The following KLF7 variants were observed in gnomAD, a reference collection of about 807,000 sequenced individuals.
KLF7 encodes KLF transcription factor 7, also known as Krueppel-like factor 7.
A neutral mutation model predicts 27.3 loss-of-function variants in KLF7; 2 were observed. The ratio of observed to expected loss-of-function variants is 0.07; its 90% confidence interval spans 0.03 to 0.23. KLF7 has a LOEUF of 0.23. KLF7 is among the 10% of genes least tolerant of loss of function. The pLI, the probability that KLF7 is intolerant of heterozygous loss-of-function variation, is 1.00. For missense variants in KLF7, 221 were observed against 394.1 expected (o/e 0.56, Z 3.72); for synonymous variants, 165 against 162.4 (o/e 1.02, Z -0.12).
At chr2:207,148,065 G>C (rs2078145400) in intron 1 of KLF7, among the ~76,000 whole-genome samples, 1 of 152,082 alleles carries the variant, frequency 6.6e-6, no homozygotes, top group South Asian at 2.1e-4. Flanking sequence ...ATTTCACAGA[G>C]AAAGGTATGG....
intron 1 of KLF7, among the ~76,000 whole-genome samples, chr2:207,137,646 A>G (rs981116926): frequency 2.0e-5 from 3 of 152,222 alleles, no homozygotes; most frequent in Non-Finnish European, 4.4e-5. Flanking sequence ...ATGGAATATA[A>G]GCAGTACAGG....
chr2:207,163,514 T>A (rs1341091183), intron 1 of KLF7, among the ~76,000 whole-genome samples: 1 of 152,176 alleles, frequency 6.6e-6, no homozygotes, highest in African/African-American at 2.4e-5. Context: ...TCTTTGCAGA[T>A]CTAGAGTTTG....
At chr2:207,146,374 C>G (rs2078096369) in intron 1 of KLF7, among the ~76,000 whole-genome samples, 1 of 152,150 alleles carries the variant, frequency 6.6e-6, no homozygotes, top group Non-Finnish European at 1.5e-5. Context: ...ACTTTCTGGC[C>G]TATGCTCTTC....
intron 2 of KLF7, among the ~76,000 whole-genome samples, chr2:207,092,052 TTC>T (rs1478812264): frequency 2.6e-5 from 4 of 152,226 alleles, no homozygotes; most frequent in Non-Finnish European, 5.9e-5. Flanking sequence ...AAATCAGCTC[TTC>T]TCTTTCACTC....
chr2:207,125,860 T>C (rs2077463366), intron 1 of KLF7, among the ~76,000 whole-genome samples: 1 of 152,200 alleles, frequency 6.6e-6, no homozygotes, highest in Admixed American at 6.5e-5. Flanking sequence ...GTCCACATGA[T>C]GCAGGTATAG....
At chr2:207,102,786 T>C (rs557966520) in intron 2 of KLF7, among the ~76,000 whole-genome samples, 28 of 152,236 alleles carry the variant, frequency 1.8e-4, no homozygotes, top group Non-Finnish European at 4.0e-4. Context: ...TAGGTAAGAG[T>C]ATCCCTTGGT....
rs2076223460 is a variant in KLF7 at position 207,079,048 on chromosome 2, TC to T, written c.*2164del. ...TTAACGGGTGTTCTTTCTTTTTTTTTCGTTTTGTATTATTTTGTTTTTTTTT... is the reference window on the plus strand; with the variant it reads ...TTAACGGGTGTTCTTTCTTTTTTTTTGTTTTGTATTATTTTGTTTTTTTTT... On this transcript the variant is annotated 3_prime_UTR_variant, in exon 4 of 4. Transcript: ENST00000309446. 6.8e-6 allele frequency: 1 copy of T among 147,980 alleles called. No individual in the cohort carries two copies. The highest frequency in any genetic ancestry group is 1.5e-5 in the Non-Finnish European group (1 of 67,420). 9.2% of individuals were successfully genotyped at this position (147,980 alleles called of 1,614,324 possible).
chr2:207,130,575 A>C (rs962497139), intron 1 of KLF7, among the ~76,000 whole-genome samples: 1 of 152,208 alleles, frequency 6.6e-6, no homozygotes. Flanking sequence ...TTTCTGAAAA[A>C]ATGAGCTAGA....
At chr2:207,143,838 A>G (rs2078014533) in intron 1 of KLF7, among the ~76,000 whole-genome samples, 1 of 152,202 alleles carries the variant, frequency 6.6e-6, no homozygotes, top group African/African-American at 2.4e-5. Context: ...TCAAAACAAA[A>G]GCTTCAGGGC....
chr2:207,126,809 CA>C (rs35099385), intron 1 of KLF7, among the ~76,000 whole-genome samples: 4,813 of 128,822 alleles, frequency 0.037, 208 homozygotes, highest in African/African-American at 0.12. Context: ...CTGTTTCTAC[CA>C]AAAAAAAAAA....
rs574268427 is a variant in KLF7 at position 207,103,818 on chromosome 2, T to C, written c.734-15237A>G. ...TATCGTGAAATGTGAAGAGAGATGC[T>C]TTCTGTGCAGATGCTTCATATGCTG... On this transcript the variant is annotated intron_variant, in intron 2 of 3. Coordinates refer to ENST00000309446, the MANE Select transcript of KLF7 (RefSeq NM_003709.4). 2.6e-5 allele frequency among the ~76,000 whole-genome samples: 4 copies of C among 152,382 alleles called. No individual in the cohort carries two copies. The East Asian group carries it at 7.7e-4, about 29-fold the overall frequency.
chr2:207,149,278 C>T lies in KLF7; in HGVS notation c.102+16189G>A, dbSNP rs557731294. ...GTCACTCTCTCTCCAGGAGGCTCTG[C>T]CTTTGTCTTCTAGACTAGCCATACA... On this transcript the variant is annotated intron_variant, in intron 1 of 3. Coordinates refer to ENST00000309446, the MANE Select transcript of KLF7 (RefSeq NM_003709.4). 4.9e-5 allele frequency: 30 copies of T among 617,820 alleles called. No individual in the cohort carries two copies. In the East Asian group the frequency reaches 1.1e-3, roughly 22 times the overall value. 38.3% of individuals were successfully genotyped at this position (617,820 alleles called of 1,614,324 possible).
At chr2:207,088,384 C>T (rs1000246771) in intron 3 of KLF7, 74 bp downstream of exon 3, 1 of 1,528,842 alleles carries the variant, frequency 6.5e-7, no homozygotes, top group Non-Finnish European at 8.9e-7. Flanking sequence ...AGTCCAAGCA[C>T]ACGGGTGCTG....
Position 207,076,096 on chromosome 2 carries a change from T to A in KLF7, c.*5117A>T, listed in dbSNP as rs1393817703. 3.9e-5 allele frequency: 6 copies of A among 151,988 alleles called. No individual in the cohort carries two copies. The highest frequency in any genetic ancestry group is 7.4e-5 in the Non-Finnish European group (5 of 68,024). The allele number at this position is 151,988 out of a possible 1,614,324, so 9.4% of individuals were successfully genotyped here. On this transcript the variant is annotated 3_prime_UTR_variant, in exon 4 of 4. Transcript: ENST00000309446. ...CACTGGTGGCTACTCCTCCGAAACGTCAGTAGCCTGTTTTCCTTCCGTGAA... is the reference window on the plus strand; with the variant it reads ...CACTGGTGGCTACTCCTCCGAAACGACAGTAGCCTGTTTTCCTTCCGTGAA...
At position 207,134,142 on chromosome 2, in the gene KLF7, C is replaced by T. The variant is rs2077716094; in HGVS notation, c.103-9738G>A. 1.6e-5 allele frequency: 23 copies of T among 1,482,524 alleles called. No individual in the cohort carries two copies. In the East Asian group the frequency reaches 4.2e-4, roughly 27 times the overall value. 91.8% of individuals were successfully genotyped at this position (1,482,524 alleles called of 1,614,324 possible). A position where few individuals can be genotyped will look rare whatever the true frequency, so the allele number is the denominator to read the frequency against. On this transcript the variant is annotated intron_variant, in intron 1 of 3. Transcript: ENST00000309446. ...CCCAAATCACTTGCACAGGCTGACT[C>T]GGGCTACTGGGATTTTTTTTTTTTT...
chr2:207,088,851 A>G (rs2076448243), intron 2 of KLF7, among the ~76,000 whole-genome samples: 1 of 152,154 alleles, frequency 6.6e-6, no homozygotes, highest in Non-Finnish European at 1.5e-5. Context: ...TCCCAGAGTC[A>G]GAGCATTTCC....
At chr2:207,135,020 G>A (rs1164389297) in intron 1 of KLF7, among the ~76,000 whole-genome samples, 1 of 152,204 alleles carries the variant, frequency 6.6e-6, no homozygotes, top group Non-Finnish European at 1.5e-5. Flanking sequence ...CGAGGGCATG[G>A]AGATGGAAAA....
chr2:207,117,814 G>A (rs2105964324), intron 2 of KLF7, among the ~76,000 whole-genome samples: 1 of 152,280 alleles, frequency 6.6e-6, no homozygotes. Flanking sequence ...CAGAAGGAGA[G>A]AAGCGACTTG....
At chr2:207,097,454 TGGAAACAG>T in intron 2 of KLF7, among the ~76,000 whole-genome samples, 1 of 152,264 alleles carries the variant, frequency 6.6e-6, no homozygotes, top group South Asian at 2.1e-4. Context: ...GAGAGAGATG[TGGAAACAG>T]AGAACTTTGT....
Sources: allele counts gnomAD v4.1 joint callset (sites outside exome capture counted in the v4.1 genomes callset), GRCh38; gene constraint gnomAD v4.1.1; transcripts MANE v1.5; gene names NCBI Gene and HGNC (gene_info 2026-07-23, HGNC 2026-07-21).